TLE4: variants seen among roughly 807,000 people sequenced by gnomAD.
TLE4 encodes the protein transducin-like enhancer protein 4.
Under a neutral mutation model 92.8 loss-of-function variants are expected in TLE4, and 8 were observed. The observed-to-expected ratio is 0.09, with a 90% CI of 0.05 to 0.16. The LOEUF is 0.16. TLE4 is among the 10% of genes least tolerant of loss of function. The pLI, the probability that TLE4 is intolerant of heterozygous loss-of-function variation, is 1.00. For missense variants in TLE4, 675 were observed against 997.6 expected (o/e 0.68, Z 4.36); for synonymous variants, 371 against 374.1 (o/e 0.99, Z 0.10).
At chr9:79,620,644 G>C (rs552717858) in intron 5 of TLE4, among the ~76,000 whole-genome samples, 1 of 152,188 alleles carries the variant, frequency 6.6e-6, no homozygotes, top group South Asian at 2.1e-4. Flanking sequence ...GTTTGTGTAC[G>C]TGTATGTATG....
intron 4 of TLE4, among the ~76,000 whole-genome samples, chr9:79,587,440 A>G (rs749880492): frequency 6.6e-6 from 1 of 152,256 alleles, no homozygotes; most frequent in Non-Finnish European, 1.5e-5. Context: ...TTTCTAAGAT[A>G]TCTTTCAACT....
chr9:79,628,778 A>C (rs1362823544), intron 6 of TLE4, among the ~76,000 whole-genome samples: 1 of 152,168 alleles, frequency 6.6e-6, no homozygotes, highest in African/African-American at 2.4e-5. Flanking sequence ...AGTAGAGACG[A>C]ATACATTTCG....
intron 8 of TLE4, among the ~76,000 whole-genome samples, chr9:79,674,427 T>A (rs2062919494): frequency 6.6e-6 from 1 of 152,140 alleles, no homozygotes; most frequent in Non-Finnish European, 1.5e-5. Flanking sequence ...ATTATCTCTA[T>A]TCTAGGGTCA....
intron 8 of TLE4, among the ~76,000 whole-genome samples, chr9:79,683,409 A>G (rs11138329): frequency 0.53 from 80,933 of 152,054 alleles, 24,283 homozygotes; most frequent in East Asian, 0.74. Flanking sequence ...GTTTAAACTT[A>G]TTTTGATATT....
chr9:79,658,398 G>C (rs1300821490), intron 8 of TLE4, among the ~76,000 whole-genome samples: 1 of 151,916 alleles, frequency 6.6e-6, no homozygotes, highest in Non-Finnish European at 1.5e-5. Flanking sequence ...CCTTGATTTT[G>C]TTTAAAGGTT....
At chr9:79,573,858 C>T in intron 2 of TLE4, 72 bp downstream of exon 2, 1 of 1,101,726 alleles carries the variant, frequency 9.1e-7, no homozygotes, top group Non-Finnish European at 1.2e-6. Context: ...CACACAAACA[C>T]TTACCCTCCT....
At chr9:79,595,134 T>C (rs1449476308) in intron 4 of TLE4, among the ~76,000 whole-genome samples, 2 of 152,192 alleles carry the variant, frequency 1.3e-5, no homozygotes, top group African/African-American at 4.8e-5. Context: ...ACACTTGGGT[T>C]CTGTAAGTAA....
Position 79,695,768 on chromosome 9 carries a change from G to A in TLE4, c.610-9015G>A, listed in dbSNP as rs75614244. Reference sequence around the variant, plus strand: ...TTACAGATAAGACCTTTCTGAAGATGTGACATTTAAGCTGAAACATAAAAG... The same window carrying A: ...TTACAGATAAGACCTTTCTGAAGATATGACATTTAAGCTGAAACATAAAAG... On this transcript the variant is annotated intron_variant, in intron 8 of 19. Coordinates refer to ENST00000376552, the MANE Select transcript of TLE4 (RefSeq NM_007005.6). 6.6e-3 allele frequency among the ~76,000 whole-genome samples: 999 copies of A among 152,298 alleles called. 2 individuals carry two copies. The highest frequency in any genetic ancestry group is 0.014 in the Middle Eastern group (4 of 294).
chr9:79,722,704 C>T, intron 18 of TLE4, 103 bp downstream of exon 18: 1 of 1,396,088 alleles, frequency 7.2e-7, no homozygotes, highest in Non-Finnish European at 9.8e-7. Flanking sequence ...TTACCATGCC[C>T]CTCTTCAGAA....
Position 79,572,764 on chromosome 9 carries a change from C to A in TLE4, c.-27C>A, listed in dbSNP as rs781403946. On this transcript the variant is annotated 5_prime_UTR_variant, in exon 1 of 20. Coordinates refer to ENST00000376552, the MANE Select transcript of TLE4 (RefSeq NM_007005.6). ...AAGCCAATGAGCCGCGCGCCTCTGC[C>A]GAGCGCAGCCAACTAAATCGGCTTG... The A allele has an allele frequency of 1.2e-5, 19 of 1,596,414 alleles. No homozygotes were observed. The highest frequency in any genetic ancestry group is 1.2e-4 in the East Asian group (5 of 43,038).
intron 8 of TLE4, among the ~76,000 whole-genome samples, chr9:79,679,540 A>T (rs1363139968): frequency 1.3e-5 from 2 of 151,948 alleles, no homozygotes; most frequent in Non-Finnish European, 2.9e-5. Context: ...GAGTAGGTTG[A>T]GAAAATTTTC....
Position 79,725,180 on chromosome 9 carries a change from G to T in TLE4, c.*36G>T. On this transcript the variant is annotated 3_prime_UTR_variant, in exon 20 of 20. Coordinates refer to ENST00000376552, the MANE Select transcript of TLE4 (RefSeq NM_007005.6). The stretch of plus-strand genomic sequence containing the variant: ...TCATGCAGACTGGACTTCTCCTCCT[G>T]GTAGCACTTTGCTCTGTCATCCTTT... 6.7e-7 allele frequency: 1 copy of T among 1,493,264 alleles called. No individual in the cohort carries two copies. The highest frequency in any genetic ancestry group is 9.3e-7 in the Non-Finnish European group (1 of 1,071,616). The allele number at this position is 1,493,264 out of a possible 1,614,324, so 92.5% of individuals were successfully genotyped here.
intron 6 of TLE4, among the ~76,000 whole-genome samples, chr9:79,633,288 C>T (rs929156940): frequency 2.0e-5 from 3 of 152,098 alleles, no homozygotes; most frequent in African/African-American, 7.2e-5. Context: ...ATGTGCTCTC[C>T]GTTATTTTCT....
chr9:79,583,938 G>A (rs1311854091), intron 4 of TLE4, among the ~76,000 whole-genome samples: 1 of 152,124 alleles, frequency 6.6e-6, no homozygotes, highest in Non-Finnish European at 1.5e-5. Flanking sequence ...AGTTTGCCAA[G>A]CAGTGTCATT....
intron 8 of TLE4, among the ~76,000 whole-genome samples, chr9:79,683,794 C>G (rs1588209047): frequency 2.6e-5 from 4 of 152,268 alleles, no homozygotes; most frequent in Admixed American, 2.6e-4. Flanking sequence ...TAAGCAGTCA[C>G]CTAATCTCAC....
At chr9:79,688,743 G>A (rs1051613717) in intron 8 of TLE4, among the ~76,000 whole-genome samples, 3 of 151,762 alleles carry the variant, frequency 2.0e-5, no homozygotes, top group African/African-American at 7.3e-5. Context: ...AACTTAAAAA[G>A]AAGTTTTATA....
intron 5 of TLE4, among the ~76,000 whole-genome samples, chr9:79,615,357 C>T (rs1016811620): frequency 2.6e-5 from 4 of 152,130 alleles, no homozygotes; most frequent in Admixed American, 6.5e-5. Context: ...GCTACCAAAA[C>T]GGCAGCTGCT....
intron 5 of TLE4, among the ~76,000 whole-genome samples, chr9:79,623,000 A>T (rs2051423614): frequency 1.3e-5 from 2 of 151,226 alleles, no homozygotes; most frequent in African/African-American, 4.9e-5. Context: ...CTACCCTTAT[A>T]CTCTTTTACT....
chr9:79,726,516 C>A lies in TLE4; in HGVS notation c.*1372C>A, dbSNP rs1440458949. 1 of 141,324 alleles carries A rather than the reference C, an allele frequency of 7.1e-6. No individual in the cohort carries two copies. Among genetic ancestry groups the A allele is most frequent in the African/African-American group, 2.7e-5 (1 of 37,608 alleles). The allele number at this position is 141,324 out of a possible 1,614,324, so 8.8% of individuals were successfully genotyped here. The stretch of plus-strand genomic sequence containing the variant: ...GATGCTGCAAGTTGAAATGGACTGT[C>A]CATTGACGTTCCTAATGTGGTAGCA... On this transcript the variant is annotated 3_prime_UTR_variant, in exon 20 of 20. Transcript: ENST00000376552.
Sources: allele counts gnomAD v4.1 joint callset (sites outside exome capture counted in the v4.1 genomes callset), GRCh38; gene constraint gnomAD v4.1.1; transcripts MANE v1.5; gene names NCBI Gene and HGNC (gene_info 2026-07-23, HGNC 2026-07-21).